Variants in STK36 observed in about 807,000 individuals in gnomAD.
STK36 encodes serine/threonine-protein kinase 36.
Under a neutral mutation model 142.2 loss-of-function variants are expected in STK36, and 116 were observed. The ratio of observed to expected loss-of-function variants is 0.82; its 90% confidence interval spans 0.70 to 0.95. The LOEUF is 0.95. Among genes scored for constraint, STK36 ranks in the 40% least tolerant of loss-of-function variants. The pLI is 0.00. For synonymous variants in STK36, 619 were observed against 641.7 expected, an observed-to-expected ratio of 0.96 and a Z score of 0.53; for missense variants, 1,422 against 1,617.2, an observed-to-expected ratio of 0.88 and a Z score of 2.07.
At chr2:218,678,026 C>T (rs986131843) in intron 6 of STK36, among the ~76,000 whole-genome samples, 4 of 152,142 alleles carry the variant, frequency 2.6e-5, no homozygotes, top group Non-Finnish European at 5.9e-5. Context: ...CTCCCAACCT[C>T]GCGATCTGCC....
chr2:218,700,763 GC>G (rs1683145276), intron 26 of STK36, among the ~76,000 whole-genome samples: 1 of 151,474 alleles, frequency 6.6e-6, no homozygotes, highest in Non-Finnish European at 1.5e-5. Context: ...TGTAATCCCA[GC>G]ACTTTGGGAG....
chr2:218,692,560 T>C (rs1187122476), intron 15 of STK36, 23 bp from the exon 16 acceptor site: 4 of 1,601,554 alleles, frequency 2.5e-6, no homozygotes, highest in Non-Finnish European at 3.4e-6. Context: ...GCCTTTGGAG[T>C]TACTCTTTGC....
intron 15 of STK36, 87 bp downstream of exon 15, chr2:218,692,380 C>T (rs1941038267): frequency 6.4e-7 from 1 of 1,562,830 alleles, no homozygotes; most frequent in Admixed American, 1.8e-5. Context: ...ACCTAGATCG[C>T]ACCTGGCATT....
chr2:218,694,715 A>G lies in STK36; in HGVS notation c.2511+80A>G. ...CTGCATTCAAGGGGAAAAGACTGAA[A>G]TGCCAGCAAGCCTGGAGTAAACTGA... is the stretch of plus-strand genomic sequence containing the variant. On this transcript the variant is annotated intron_variant, in intron 21 of 26. Transcript: ENST00000295709. This position sits in a 1 kb window ranked among gnomAD's most constrained non-coding sequence, Gnocchi z 4.4. 1.6e-6 allele frequency: 2 copies of G among 1,242,240 alleles called. No homozygotes were observed. Among genetic ancestry groups the G allele is most frequent in the Non-Finnish European group, 2.3e-6 (2 of 855,442 alleles). The allele number at this position is 1,242,240 out of a possible 1,614,324, so 77.0% of individuals were successfully genotyped here.
Position 218,673,715 on chromosome 2 carries a change from C to T in STK36, c.175C>T (p.Arg59Trp), listed in dbSNP as rs1186686334. The T allele has an allele frequency of 1.7e-5, 28 of 1,614,012 alleles. No individual in the cohort carries two copies. The highest frequency in any genetic ancestry group is 8.0e-5 in the African/African-American group (6 of 74,920). ...QREIEIMRGL[R>W]HPNIVHMLDS... The stretch of plus-strand genomic sequence containing the variant: ...AGAGATTGAAATAATGCGGGGTCTG[C>T]GGCATCCCAACATTGTGCATATGCT... Residue 59 changes from arginine (R) to tryptophan (W), a missense_variant, in exon 3 of 27, where the codon CGG becomes TGG. Arg to Trp is a moderately radical substitution (Grantham distance 101). Around this residue, in one of 2 missense-constraint regions of STK36, gnomAD observed 460 missense variants for 449.6 expected, o/e 1.02. Transcript: ENST00000295709.
rs1941296866 is a variant in STK36, at chr2:218,697,890, CTCTG to C, written c.2951_2954del (p.Val984AlafsTer18). On this transcript the variant is annotated frameshift_variant, in exon 25 of 27. Transcript: ENST00000295709. LOFTEE classifies it high-confidence loss of function. ...CTGAGTTTCTCCCTGTCGTGGTGCT[CTCTG>C]TCTGCCAGCTCCTTTGCTTCCCCTT... The C allele has an allele frequency of 1.2e-6, 2 of 1,614,086 alleles. No individual in the cohort carries two copies. The highest frequency in any genetic ancestry group is 1.7e-5 in the Admixed American group (1 of 60,004).
At chr2:218,693,643 C>G in intron 17 of STK36, 80 bp from the exon 18 acceptor site, 3 of 1,313,648 alleles carry the variant, frequency 2.3e-6, no homozygotes, top group Non-Finnish European at 3.2e-6. Flanking sequence ...GAGGGGCTGG[C>G]CGGTGTTTCC....
chr2:218,690,688 A>T, intron 14 of STK36, 133 bp downstream of exon 14: 1 of 719,334 alleles, frequency 1.4e-6, no homozygotes, highest in Admixed American at 2.4e-5. Context: ...ACCATGCCAT[A>T]TGCCATGTGA....
chr2:218,688,843 C>G lies in STK36; in HGVS notation c.1527C>G (p.Leu509=). The G allele has an allele frequency of 6.2e-7, 1 of 1,612,698 alleles. No homozygotes were observed. The highest frequency in any genetic ancestry group is 8.5e-7 in the Non-Finnish European group (1 of 1,179,714). Residue 509 remains leucine (L), a synonymous_variant, in exon 12 of 27, where the codon CTC becomes CTG. Transcript: ENST00000295709. ...AGLPGLLLSL[L]RHSQESNSLQ... is the part of the protein sequence containing the mutation. ...TTCCTGGGCTGCTGCTGAGTCTACT[C>G]AGGCACAGTCAGGAGAGCAACAGCC...
At chr2:218,700,599 C>T (rs1023159485) in intron 26 of STK36, among the ~76,000 whole-genome samples, 36 of 151,342 alleles carry the variant, frequency 2.4e-4, no homozygotes, top group African/African-American at 8.5e-4. Context: ...CAAGGTTTCA[C>T]CATGTTGGCC....
At position 218,698,534 on chromosome 2, in the gene STK36, TTTTGGG is replaced by T. The variant is rs1204097624; in HGVS notation, c.3058-67_3058-62del. ...TAGCTTGGCTTTTCTCTCTCCCAGG[TTTTGGG>T]CTTCTTTATAGCTGCATATACTCTC... On this transcript the variant is annotated intron_variant, in intron 25 of 26. Coordinates refer to ENST00000295709, the MANE Select transcript of STK36 (RefSeq NM_015690.5). 2.0e-6 allele frequency: 3 copies of T among 1,536,662 alleles called. No homozygotes were observed. In the African/African-American group the frequency reaches 4.5e-5, roughly 23 times the overall value.
At chr2:218,684,923 G>A (rs1049970365) in intron 10 of STK36, 162 bp from the exon 11 acceptor site, 2 of 804,180 alleles carry the variant, frequency 2.5e-6, no homozygotes, top group Admixed American at 5.7e-5. Flanking sequence ...CAGACTGCCA[G>A]CTGTACCTTT....
Position 218,697,463 on chromosome 2 carries a change from G to A in STK36, c.2762G>A (p.Gly921Asp), listed in dbSNP as rs1462799139. 1 of 1,613,634 alleles carries A rather than the reference G, an allele frequency of 6.2e-7. No homozygotes were observed. Among genetic ancestry groups the A allele is most frequent in the East Asian group, 2.2e-5 (1 of 44,886 alleles). ...EPDWTLISPQ[G>D]MAALLSLAMA... ...GGGTCTCCATTTTTGGTGTTACCAG[G>A]CATGGCAGCCCTGCTGAGCCTGGCC... is the stretch of plus-strand genomic sequence containing the variant. The change falls in exon 24 of 27, where the codon GGC becomes GAC. Residue 921 changes from glycine to aspartate, a missense_variant and splice_region_variant. Around this residue, in one of 2 missense-constraint regions of STK36, gnomAD observed 962 missense variants for 1,167.5 expected, o/e 0.82. Transcript: ENST00000295709.
chr2:218,690,603 T>C, intron 14 of STK36, 48 bp downstream of exon 14: 2 of 1,434,894 alleles, frequency 1.4e-6, no homozygotes, highest in Non-Finnish European at 9.8e-7. Flanking sequence ...TCATTCTCCG[T>C]GTTTCTCCCA....
At chr2:218,688,912 G>A (rs759082017) in intron 12 of STK36, 36 bp downstream of exon 12, 2 of 1,533,216 alleles carry the variant, frequency 1.3e-6, no homozygotes, top group Non-Finnish European at 1.7e-6. Flanking sequence ...AAGACTTACA[G>A]AGGTTCTTTT....
rs1559326211 is a variant in STK36 at position 218,672,848 on chromosome 2, T to C, written c.19T>C (p.Leu7=). 3.1e-6 allele frequency: 5 copies of C among 1,613,926 alleles called. No homozygotes were observed. Among genetic ancestry groups the C allele is most frequent in the African/African-American group, 1.3e-5 (1 of 74,880 alleles). The change falls in exon 2 of 27, where the codon TTG becomes CTG. Residue 7 remains leucine (L), a synonymous_variant. Coordinates refer to ENST00000295709, the MANE Select transcript of STK36 (RefSeq NM_015690.5). MEKYHV[L]EMIGEGSFGR... is the part of the protein sequence containing the mutation. Reference sequence around the variant, plus strand: ...CTCTGTCATGGAAAAGTACCACGTGTTGGAGATGATTGGAGAAGGCTCTTT... The same window carrying C: ...CTCTGTCATGGAAAAGTACCACGTGCTGGAGATGATTGGAGAAGGCTCTTT...
At position 218,694,454 on chromosome 2, in the gene STK36, A is replaced by T; in HGVS notation, c.2401-71A>T. 6.5e-7 allele frequency: 1 copy of T among 1,541,756 alleles called. No homozygotes were observed. ...TTCTTTTGGACCAGGACAGAGACATAAATCCTCTCTGCCTGTCCTGAATGC... is the reference window on the plus strand; with the variant it reads ...TTCTTTTGGACCAGGACAGAGACATTAATCCTCTCTGCCTGTCCTGAATGC... On this transcript the variant is annotated intron_variant, in intron 20 of 26. Coordinates refer to ENST00000295709, the MANE Select transcript of STK36 (RefSeq NM_015690.5). This position sits in a 1 kb window ranked among gnomAD's most constrained non-coding sequence, Gnocchi z 4.4.
rs1941322757 is a variant in STK36 at position 218,698,599 on chromosome 2, C to A, written c.3058-3C>A. 6.2e-7 allele frequency: 1 copy of A among 1,612,472 alleles called. No individual in the cohort carries two copies. Among genetic ancestry groups the A allele is most frequent in the African/African-American group, 1.3e-5 (1 of 75,028 alleles). On this transcript the variant is annotated splice_polypyrimidine_tract_variant and splice_region_variant and intron_variant, in intron 25 of 26. Transcript: ENST00000295709. ...TGAATCCTTTTACCTCCTGTTCTCT[C>A]AGGTCTGCTGCTACCATCTTCCGTT...
chr2:218,690,504 G>A lies in STK36; in HGVS notation c.1713G>A (p.Leu571=). 1 of 1,614,184 alleles carries A rather than the reference G, an allele frequency of 6.2e-7. No individual in the cohort carries two copies. The highest frequency in any genetic ancestry group is 8.5e-7 in the Non-Finnish European group (1 of 1,180,038). Residue 571 remains leucine, a synonymous_variant, in exon 14 of 27, where the codon CTG becomes CTA. Coordinates refer to ENST00000295709, the MANE Select transcript of STK36 (RefSeq NM_015690.5). ...TTTTTCTGGACCTGTTGGGGAAACT[G>A]CTGGCCCAACCAGATGACTCTGAGC... ...ANLFLDLLGK[L]LAQPDDSEQT...
Sources: gnomAD v4.1 joint callset for allele counts (sites outside exome capture counted in the v4.1 genomes callset) on GRCh38, gnomAD v4.1.1 for gene constraint, gnomAD v4.1.1 regional missense constraint, Gnocchi (gnomAD v3.1) non-coding constraint, MANE v1.5 for transcripts, NCBI Gene and HGNC (gene_info 2026-07-23, HGNC 2026-07-21) for gene names.